Variants in SNX13 observed in about 807,000 individuals in gnomAD.
The protein encoded by SNX13 is sorting nexin 13, also known as sorting nexin-13.
SNX13 carries 45 observed loss-of-function variants against 133.6 expected under a neutral mutation model. The observed-to-expected ratio is 0.34, with a 90% confidence interval of 0.27 to 0.43. SNX13 has a LOEUF of 0.43. Ranked by LOEUF, SNX13 falls within the 20% of genes least tolerant of loss-of-function variation. The probability of loss-of-function intolerance (pLI) is 1.00; values close to 1 mark genes in which losing one functional copy is unlikely to be tolerated. For missense variants in SNX13, 1,032 were observed against 1,145.1 expected (o/e 0.90, Z 1.43); for synonymous variants, 414 against 373.9 (o/e 1.11, Z -1.24).
Position 17,875,565 on chromosome 7 carries a change from A to G in SNX13, c.579T>C (p.Leu193=). Residue 193 remains leucine (L), a synonymous_variant, in exon 7 of 26, where the codon CTT becomes CTC. Coordinates refer to ENST00000428135, the MANE Select transcript of SNX13 (RefSeq NM_015132.5). ...DDQVKGTAED[L]VDTFFEVEVE... ...CTTCAACTTCAAAGAAGGTATCTAC[A>G]AGATCTTCTGCTGTACCTAAAGAAA... 1.9e-6 allele frequency: 3 copies of G among 1,612,086 alleles called. No homozygotes were observed. Among genetic ancestry groups the G allele is most frequent in the Non-Finnish European group, 1.7e-6 (2 of 1,179,526 alleles).
chr7:17,866,561 AT>A, intron 9 of SNX13, among the ~76,000 whole-genome samples: 1 of 152,352 alleles, frequency 6.6e-6, no homozygotes, highest in East Asian at 1.9e-4. Context: ...TTATTCAGCC[AT>A]TAAAAAAAGA....
Position 17,791,387 on chromosome 7 carries a change from T to G in SNX13, c.*2658A>C, listed in dbSNP as rs1173412223. The G allele has an allele frequency of 6.6e-6, 1 of 151,594 alleles. No individual in the cohort carries two copies. Among genetic ancestry groups the G allele is most frequent in the East Asian group, 1.9e-4 (1 of 5,198 alleles). The allele number at this position is 151,594 out of a possible 1,614,324, so 9.4% of individuals were successfully genotyped here. ...ATATTCAAGAAAGTTTTTGTTTTTT[T>G]TTTTTTTAAAAAAATTAAGGCTAAC... On this transcript the variant is annotated 3_prime_UTR_variant, in exon 26 of 26. Transcript: ENST00000428135.
chr7:17,893,507 T>C (rs1001651228), intron 2 of SNX13, 73 bp from the exon 3 acceptor site: 100 of 969,120 alleles, frequency 1.0e-4, no homozygotes, highest in Non-Finnish European at 1.5e-4. Flanking sequence ...CTACCAAGTA[T>C]ATTTTCCAGA....
intron 3 of SNX13, among the ~76,000 whole-genome samples, chr7:17,892,965 T>G (rs950367404): frequency 4.6e-5 from 7 of 152,200 alleles, no homozygotes; most frequent in African/African-American, 1.7e-4. Flanking sequence ...AGTATCCATT[T>G]TTTCCTCTGA....
At chr7:17,927,765 C>T (rs530246528) in intron 1 of SNX13, among the ~76,000 whole-genome samples, 30 of 152,276 alleles carry the variant, frequency 2.0e-4, no homozygotes, top group African/African-American at 6.5e-4. Flanking sequence ...AGCATCAAGA[C>T]CATTTCTATC....
At chr7:17,903,789 T>C (rs902899599) in intron 1 of SNX13, among the ~76,000 whole-genome samples, 3 of 152,208 alleles carry the variant, frequency 2.0e-5, no homozygotes, top group Admixed American at 1.3e-4. Context: ...TGAATGCTTT[T>C]ATCTAAATAT....
chr7:17,877,851 C>T (rs1036526880), intron 5 of SNX13, among the ~76,000 whole-genome samples: 1 of 151,878 alleles, frequency 6.6e-6, no homozygotes, highest in African/African-American at 2.4e-5. Context: ...GGTTATTTTC[C>T]TTCTGCTTGA....
At chr7:17,890,602 T>G (rs774527068) in intron 4 of SNX13, 118 bp from the exon 5 acceptor site, 1 of 631,824 alleles carries the variant, frequency 1.6e-6, no homozygotes, top group Non-Finnish European at 2.4e-6. Context: ...CGTATTAATT[T>G]ATGGTGGTAA....
At chr7:17,796,389 T>A (rs1362603878) in intron 25 of SNX13, 1 of 153,414 alleles carries the variant, frequency 6.5e-6, no homozygotes, top group Non-Finnish European at 1.5e-5. Flanking sequence ...ACAACAAATA[T>A]TCTTCCTGAA....
At chr7:17,929,029 T>G (rs1801091944) in intron 1 of SNX13, among the ~76,000 whole-genome samples, 1 of 152,118 alleles carries the variant, frequency 6.6e-6, no homozygotes. Context: ...AAGTTAAATT[T>G]TCTATTTTGG....
chr7:17,913,878 G>C (rs902253563), intron 1 of SNX13, among the ~76,000 whole-genome samples: 11 of 151,136 alleles, frequency 7.3e-5, no homozygotes, highest in African/African-American at 2.7e-4. Context: ...GATCACACTA[G>C]CTCCCTAGCA....
chr7:17,847,794 A>G (rs544005503), intron 11 of SNX13, among the ~76,000 whole-genome samples: 9 of 152,328 alleles, frequency 5.9e-5, no homozygotes, highest in Non-Finnish European at 1.2e-4. Flanking sequence ...TGCTCTCATC[A>G]GATCACCAAT....
intron 9 of SNX13, among the ~76,000 whole-genome samples, chr7:17,860,653 G>A (rs960091403): frequency 3.9e-5 from 6 of 152,128 alleles, no homozygotes; most frequent in African/African-American, 1.4e-4. Context: ...CAAGGTTAAG[G>A]GTCCAACTTC....
rs758777799 is a variant in SNX13, at chr7:17,830,074, T to G, written c.1598-27A>C. ...TGCAGGGGGGAAATTCAACTTAGTA[T>G]ACAGCAAAAAACTTTAAAACGGTTG... On this transcript the variant is annotated intron_variant, in intron 15 of 25. Transcript: ENST00000428135. 8.7e-6 allele frequency: 13 copies of G among 1,499,076 alleles called. No individual in the cohort carries two copies. The Admixed American group carries it at 2.6e-4, about 30-fold the overall frequency. The allele number at this position is 1,499,076 out of a possible 1,614,324, so 92.9% of individuals were successfully genotyped here. A position where few individuals can be genotyped will look rare whatever the true frequency, so the allele number is the denominator to read the frequency against.
intron 21 of SNX13, among the ~76,000 whole-genome samples, chr7:17,802,004 G>A (rs890551756): frequency 6.6e-6 from 1 of 151,926 alleles, no homozygotes; most frequent in Admixed American, 6.6e-5. Flanking sequence ...CAATACCACA[G>A]TGGTCCCATA....
intron 1 of SNX13, among the ~76,000 whole-genome samples, chr7:17,909,800 A>G (rs576963929): frequency 6.6e-6 from 1 of 152,332 alleles, no homozygotes; most frequent in African/African-American, 2.4e-5. Context: ...TGATCTGTGC[A>G]GCAAACCACC....
chr7:17,889,419 G>C (rs1796377465), intron 5 of SNX13: 1 of 152,028 alleles, frequency 6.6e-6, no homozygotes, highest in Non-Finnish European at 1.5e-5. Flanking sequence ...TAGAGGAAAG[G>C]GCCTGAGAGG....
At position 17,832,479 on chromosome 7, in the gene SNX13, C is replaced by G. The variant is rs1235381418; in HGVS notation, c.1597+1573G>C. On this transcript the variant is annotated intron_variant, in intron 15 of 25. Coordinates refer to ENST00000428135, the MANE Select transcript of SNX13 (RefSeq NM_015132.5). ...TCTCTTTCTGAGTCACCTAGCAAAT[C>G]CACTTCACAAATACGAAGAAATTTC... is the stretch of plus-strand genomic sequence containing the variant. 18 of 983,434 alleles carry G rather than the reference C, an allele frequency of 1.8e-5. No homozygotes were observed. In the East Asian group the frequency reaches 1.1e-3, roughly 62 times the overall value. The allele number at this position is 983,434 out of a possible 1,614,324, so 60.9% of individuals were successfully genotyped here. A position where few individuals can be genotyped will look rare whatever the true frequency, so the allele number is the denominator to read the frequency against.
At chr7:17,862,952 A>G (rs978252772) in intron 9 of SNX13, among the ~76,000 whole-genome samples, 5 of 152,140 alleles carry the variant, frequency 3.3e-5, no homozygotes, top group African/African-American at 1.2e-4. Flanking sequence ...GGTAGGAAAG[A>G]CAGTCTCGTA....
Sources: gnomAD v4.1 joint callset for allele counts (sites outside exome capture counted in the v4.1 genomes callset) on GRCh38, gnomAD v4.1.1 for gene constraint, MANE v1.5 for transcripts, NCBI Gene and HGNC (gene_info 2026-07-23, HGNC 2026-07-21) for gene names.